Variants in UBASH3B observed in about 807,000 individuals in gnomAD.
UBASH3B encodes the protein ubiquitin-associated and SH3 domain-containing protein B.
UBASH3B carries 37 observed loss-of-function variants against 83.4 expected under a neutral mutation model. The ratio of observed to expected loss-of-function variants is 0.44; its 90% CI spans 0.34 to 0.58. The LOEUF (loss-of-function observed/expected upper bound fraction) is 0.58. UBASH3B is among the 20% of genes least tolerant of loss of function. The pLI is 0.01. For missense variants in UBASH3B, 657 were observed against 827.2 expected (o/e 0.79, Z 2.52); for synonymous variants, 304 against 318.3 (o/e 0.96, Z 0.48).
intron 1 of UBASH3B, among the ~76,000 whole-genome samples, chr11:122,673,028 C>T (rs1264325132): frequency 6.6e-6 from 1 of 152,198 alleles, no homozygotes; most frequent in Non-Finnish European, 1.5e-5. Flanking sequence ...TGAGCAATGG[C>T]CTTAGGAAAG....
chr11:122,708,918 C>G (rs1469845639), intron 1 of UBASH3B, among the ~76,000 whole-genome samples: 1 of 152,118 alleles, frequency 6.6e-6, no homozygotes. Flanking sequence ...CCATCACCTT[C>G]CCTTAATGCA....
intron 5 of UBASH3B, among the ~76,000 whole-genome samples, chr11:122,784,734 A>C (rs1342933306): frequency 6.6e-6 from 1 of 152,194 alleles, no homozygotes; most frequent in Non-Finnish European, 1.5e-5. Context: ...GTGGTAGAAG[A>C]GCCAACCCAT....
chr11:122,690,921 G>A (rs1863887765), intron 1 of UBASH3B, among the ~76,000 whole-genome samples: 1 of 152,088 alleles, frequency 6.6e-6, no homozygotes, highest in Non-Finnish European at 1.5e-5. Context: ...TGATCACTGG[G>A]CCCGATCTTC....
In UBASH3B at chr11:122,806,603, G is replaced by T; in HGVS notation, c.1702+87G>T. 1 of 1,384,158 alleles carries T rather than the reference G, an allele frequency of 7.2e-7. No homozygotes were observed. Among genetic ancestry groups the T allele is most frequent in the Non-Finnish European group, 9.4e-7 (1 of 1,066,722 alleles). The allele number at this position is 1,384,158 out of a possible 1,614,324, so 85.7% of individuals were successfully genotyped here. On this transcript the variant is annotated intron_variant, in intron 12 of 13. Transcript: ENST00000284273. The surrounding 1 kb of genome is among the most constrained non-coding windows in gnomAD (Gnocchi z 4.0). Reference sequence around the variant, plus strand: ...TAGGTTATTCAAGATGTTTCAACTTGCTTTGGCTAACCAAAGAAATGTATT... The same window carrying T: ...TAGGTTATTCAAGATGTTTCAACTTTCTTTGGCTAACCAAAGAAATGTATT...
intron 1 of UBASH3B, among the ~76,000 whole-genome samples, chr11:122,683,172 C>T (rs1169905378): frequency 6.7e-6 from 1 of 149,912 alleles, no homozygotes; most frequent in Non-Finnish European, 1.5e-5. Context: ...TCCCTTGAGC[C>T]TTGGAAGTCG....
rs558809405 is a variant in UBASH3B at position 122,740,392 on chromosome 11, G to T, written c.162-35827G>T. Among the ~76,000 whole-genome samples, 4 of 152,316 alleles carry T rather than the reference G, an allele frequency of 2.6e-5. No individual in the cohort carries two copies. In the East Asian group the frequency reaches 7.7e-4, roughly 29 times the overall value. On this transcript the variant is annotated intron_variant, in intron 1 of 13. Transcript: ENST00000284273. ...TTTCCTGATGAAAGAGCATGTACTT[G>T]AAAGAGAATGGCTGGCTCTGTAAAG...
chr11:122,663,642 C>T (rs1863476894), intron 1 of UBASH3B, among the ~76,000 whole-genome samples: 1 of 152,204 alleles, frequency 6.6e-6, no homozygotes, highest in Admixed American at 6.5e-5. Flanking sequence ...TCACTGCCTC[C>T]CCAATCCCAG....
chr11:122,792,039 C>T (rs578047476), intron 6 of UBASH3B, among the ~76,000 whole-genome samples: 1 of 152,188 alleles, frequency 6.6e-6, no homozygotes, highest in South Asian at 2.1e-4. Flanking sequence ...GAGCAAGAAG[C>T]ATCTGACTGT....
At chr11:122,791,366 TTGC>T (rs1861050505) in intron 6 of UBASH3B, among the ~76,000 whole-genome samples, 1 of 152,200 alleles carries the variant, frequency 6.6e-6, no homozygotes, top group Non-Finnish European at 1.5e-5. Flanking sequence ...GAACTAATAA[TTGC>T]ACTTACCTCA....
At chr11:122,690,082 C>CTTTGGAAGA (rs1863862679) in intron 1 of UBASH3B, among the ~76,000 whole-genome samples, 2 of 148,950 alleles carry the variant, frequency 1.3e-5, no homozygotes, top group African/African-American at 4.9e-5. Context: ...CAGAGGCCTG[C>CTTTGGAAGA]TTTGGAAGAT....
chr11:122,721,525 A>G (rs150070379), intron 1 of UBASH3B, among the ~76,000 whole-genome samples: 1 of 152,202 alleles, frequency 6.6e-6, no homozygotes, highest in African/African-American at 2.4e-5. Flanking sequence ...AGCTTGCCTG[A>G]GAGTTCAGTA....
chr11:122,791,678 A>G (rs992506211), intron 6 of UBASH3B, among the ~76,000 whole-genome samples: 9 of 152,202 alleles, frequency 5.9e-5, no homozygotes, highest in Non-Finnish European at 1.2e-4. Context: ...CAAGAGAGAC[A>G]TCAGGAGGTA....
chr11:122,757,709 C>CTTTTTTT (rs781180822), intron 1 of UBASH3B, among the ~76,000 whole-genome samples: 4 of 92,114 alleles, frequency 4.3e-5, no homozygotes, highest in East Asian at 3.2e-4. Context: ...CTTCTTTTCC[C>CTTTTTTT]TTTTTTTTTT....
At chr11:122,662,660 A>G (rs1245552856) in intron 1 of UBASH3B, among the ~76,000 whole-genome samples, 4 of 151,376 alleles carry the variant, frequency 2.6e-5, no homozygotes, top group Middle Eastern at 3.4e-3. Flanking sequence ...CGAACTCCTG[A>G]CCTCAGGTGA....
intron 1 of UBASH3B, among the ~76,000 whole-genome samples, chr11:122,731,815 G>C (rs1414702254): frequency 6.6e-6 from 1 of 152,224 alleles, no homozygotes; most frequent in African/African-American, 2.4e-5. Flanking sequence ...TGCTCTACTA[G>C]TTTGTTTAAA....
At chr11:122,696,672 C>T (rs770084528) in intron 1 of UBASH3B, among the ~76,000 whole-genome samples, 1 of 152,138 alleles carries the variant, frequency 6.6e-6, no homozygotes, top group South Asian at 2.1e-4. Context: ...GTAAGTTGCA[C>T]GTGTGTCCGA....
chr11:122,656,114 T>G lies in UBASH3B; in HGVS notation c.65T>G (p.Val22Gly). ...MAAREELYSK[V>G]TPRRNRQQRP... ...GCGAGAGAGGAGCTGTACAGCAAAGTCACCCCCCGGAGGAACCGCCAACAG... is the reference window on the plus strand; with the variant it reads ...GCGAGAGAGGAGCTGTACAGCAAAGGCACCCCCCGGAGGAACCGCCAACAG... The change falls in exon 1 of 14, where the codon GTC (valine) becomes GGC (glycine). Residue 22 changes from valine (V) to glycine (G), a missense_variant. Physicochemically the swap from Val to Gly is moderately radical, Grantham distance 109 (BLOSUM62 -3). Transcript: ENST00000284273. 1.9e-6 allele frequency: 3 copies of G among 1,600,652 alleles called. No homozygotes were observed. In the Admixed American group the frequency reaches 5.1e-5, roughly 27 times the overall value.
chr11:122,694,360 C>A (rs1863934311), intron 1 of UBASH3B, among the ~76,000 whole-genome samples: 1 of 151,966 alleles, frequency 6.6e-6, no homozygotes, highest in Admixed American at 6.6e-5. Flanking sequence ...ATAACATTTT[C>A]TTCAAAAGTT....
At chr11:122,802,419 T>C (rs1861275107) in intron 11 of UBASH3B, among the ~76,000 whole-genome samples, 1 of 151,608 alleles carries the variant, frequency 6.6e-6, no homozygotes, top group South Asian at 2.1e-4. Flanking sequence ...GAACAGATAG[T>C]CACAACCATT....
Sources: gnomAD v4.1 joint callset for allele counts (sites outside exome capture counted in the v4.1 genomes callset) on GRCh38, gnomAD v4.1.1 for gene constraint, Gnocchi (gnomAD v3.1) non-coding constraint, MANE v1.5 for transcripts, NCBI Gene and HGNC (gene_info 2026-07-23, HGNC 2026-07-21) for gene names.